Variants in CCDC88A observed in about 807,000 individuals in gnomAD.
CCDC88A encodes girdin.
In CCDC88A, 54 loss-of-function variants were observed where a neutral mutation model predicts 234.3. The ratio of observed to expected loss-of-function variants is 0.23; its 90% CI spans 0.19 to 0.29. The LOEUF (loss-of-function observed/expected upper bound fraction) is 0.29, where lower values mean the gene tolerates loss of function less well. Among genes scored for constraint, CCDC88A ranks in the 10% least tolerant of loss-of-function variants. The pLI is 1.00. For missense variants in CCDC88A, 1,832 were observed against 2,123.4 expected, an observed-to-expected ratio of 0.86 and a Z score of 2.70; for synonymous variants, 753 against 737.8, an observed-to-expected ratio of 1.02 and a Z score of -0.33.
At chr2:55,360,700 C>A (rs1251153091) in intron 7 of CCDC88A, among the ~76,000 whole-genome samples, 1 of 152,170 alleles carries the variant, frequency 6.6e-6, no homozygotes, top group Non-Finnish European at 1.5e-5. Flanking sequence ...CTGTTCACCC[C>A]ATATTAATCA....
chr2:55,375,469 C>A (rs2864833), intron 3 of CCDC88A, among the ~76,000 whole-genome samples: 1,627 of 26,140 alleles, frequency 0.062, 103 homozygotes, highest in East Asian at 0.094. Context: ...TGTCACTGTA[C>A]TATATATATA....
chr2:55,319,558 G>C (rs1172226499), intron 18 of CCDC88A, among the ~76,000 whole-genome samples: 4 of 151,988 alleles, frequency 2.6e-5, no homozygotes, highest in Admixed American at 6.6e-5. Context: ...ATCCACAACA[G>C]ACCTAACGCA....
In CCDC88A at chr2:55,353,260, T is replaced by C. The variant is rs183173761; in HGVS notation, c.800+2319A>G. ...ACCTTAAACGAATTCACAGCCATCA[T>C]TACGGTTCTAATTGCATGCTTTATC... is the stretch of plus-strand genomic sequence containing the variant. On this transcript the variant is annotated intron_variant, in intron 8 of 32. Transcript: ENST00000436346. 3.0e-3 allele frequency among the ~76,000 whole-genome samples: 451 copies of C among 152,320 alleles called. 2 individuals carry two copies. Among genetic ancestry groups the C allele is most frequent in the Non-Finnish European group, 4.6e-3 (314 of 68,026 alleles).
chr2:55,368,225 A>C (rs1374901364), intron 5 of CCDC88A, among the ~76,000 whole-genome samples: 1 of 152,150 alleles, frequency 6.6e-6, no homozygotes, highest in Non-Finnish European at 1.5e-5. Context: ...AAAATACCCA[A>C]GCCCTGGCCT....
At chr2:55,339,148 A>C in intron 13 of CCDC88A, 1 of 185,400 alleles carries the variant, frequency 5.4e-6, no homozygotes, top group Non-Finnish European at 1.1e-5. Context: ...TAGTGGAGAC[A>C]GGGTTTCACC....
At chr2:55,398,871 A>G (rs1204278230) in intron 2 of CCDC88A, among the ~76,000 whole-genome samples, 1 of 151,912 alleles carries the variant, frequency 6.6e-6, no homozygotes, top group African/African-American at 2.4e-5. Flanking sequence ...CCTAACAAAA[A>G]AAAAAAGAAA....
At chr2:55,370,925 T>A (rs1373091336) in intron 5 of CCDC88A, among the ~76,000 whole-genome samples, 1 of 151,260 alleles carries the variant, frequency 6.6e-6, no homozygotes, top group Non-Finnish European at 1.5e-5. Context: ...AATGGGAAGA[T>A]CATTTGAACC....
chr2:55,407,848 G>GC (rs1679857948), intron 2 of CCDC88A, among the ~76,000 whole-genome samples: 1 of 150,616 alleles, frequency 6.6e-6, no homozygotes, highest in Admixed American at 6.6e-5. Flanking sequence ...CTCCCGTGTA[G>GC]CTGGGATTAC....
chr2:55,311,088 A>G (rs1682295338), intron 23 of CCDC88A, among the ~76,000 whole-genome samples: 1 of 152,220 alleles, frequency 6.6e-6, no homozygotes, highest in South Asian at 2.1e-4. Context: ...AAGGGTCAGA[A>G]TAGTAAGACA....
intron 3 of CCDC88A, among the ~76,000 whole-genome samples, chr2:55,386,435 T>TTTTTATTTTA (rs70954112): frequency 1.3e-5 from 2 of 150,590 alleles, no homozygotes; most frequent in African/African-American, 2.5e-5. Context: ...CTCTGTCTCT[T>TTTTTATTTTA]TTTTATTTTA....
intron 2 of CCDC88A, among the ~76,000 whole-genome samples, chr2:55,410,475 A>T (rs1265183469): frequency 6.6e-6 from 1 of 152,236 alleles, no homozygotes; most frequent in African/African-American, 2.4e-5. Flanking sequence ...TATAAGCTTT[A>T]AATATTTAGG....
In CCDC88A at chr2:55,296,466, A is replaced by T; in HGVS notation, c.4883T>A (p.Leu1628Gln). ...GGACCAAGCCTCATGGTCATGAAGC[A>T]GGCTAAATTCTCCACTGCTGTGGCT... ...PQSHSSGEFSLLHDHEAWSSS... is the reference protein window; with the variant it reads ...PQSHSSGEFSQLHDHEAWSSS... Residue 1628 changes from leucine (L) to glutamine (Q), a missense_variant, in exon 30 of 33, where the codon CTG becomes CAG. Transcript: ENST00000436346. 6.2e-7 allele frequency: 1 copy of T among 1,614,232 alleles called. No homozygotes were observed. Among genetic ancestry groups the T allele is most frequent in the Non-Finnish European group, 8.5e-7 (1 of 1,180,036 alleles).
chr2:55,358,578 C>CA (rs1670889200), intron 7 of CCDC88A, among the ~76,000 whole-genome samples: 1 of 152,146 alleles, frequency 6.6e-6, no homozygotes, highest in Admixed American at 6.5e-5. Flanking sequence ...CCTCCAACTG[C>CA]AAACTGCTAT....
chr2:55,333,329 A>T (rs899055451), intron 15 of CCDC88A, among the ~76,000 whole-genome samples: 1 of 152,194 alleles, frequency 6.6e-6, no homozygotes, highest in Non-Finnish European at 1.5e-5. Context: ...AGCCAAACAT[A>T]TACCTTCTGA....
At chr2:55,339,854 C>CG in intron 12 of CCDC88A, 1 of 419,518 alleles carries the variant, frequency 2.4e-6, no homozygotes, top group African/African-American at 2.1e-5. Flanking sequence ...TTTAAAGAGA[C>CG]GGGGTCTCTC....
At chr2:55,377,422 T>A (rs1673848640) in intron 3 of CCDC88A, among the ~76,000 whole-genome samples, 1 of 151,738 alleles carries the variant, frequency 6.6e-6, no homozygotes, top group African/African-American at 2.4e-5. Context: ...CCTCCCAAAG[T>A]GGTGCGATTA....
rs552517382 is a variant in CCDC88A at position 55,362,690 on chromosome 2, T to A, written c.487-242A>T. ...CTAGTCAACAAAAATAAAATATTAA[T>A]ATTTAACTCAAGGCATTCTTAAAGG... On this transcript the variant is annotated intron_variant, in intron 6 of 32. Transcript: ENST00000436346. Among the ~76,000 whole-genome samples, 40 of 152,108 alleles carry A rather than the reference T, an allele frequency of 2.6e-4. No individual in the cohort carries two copies. The South Asian group carries it at 8.1e-3, about 31-fold the overall frequency.
intron 26 of CCDC88A, 41 bp downstream of exon 26, chr2:55,303,028 T>C (rs1681084370): frequency 8.4e-7 from 1 of 1,191,136 alleles, no homozygotes; most frequent in Non-Finnish European, 1.2e-6. Context: ...TGAAAGCCAG[T>C]GTAGTCAGTT....
At chr2:55,341,400 A>G (rs1318646386) in intron 12 of CCDC88A, among the ~76,000 whole-genome samples, 2 of 148,584 alleles carry the variant, frequency 1.3e-5, no homozygotes, top group Admixed American at 1.3e-4. Flanking sequence ...GGCCTCCCAG[A>G]GTGCTGGGAT....
Sources: allele counts gnomAD v4.1 joint callset (sites outside exome capture counted in the v4.1 genomes callset), GRCh38; gene constraint gnomAD v4.1.1; transcripts MANE v1.5; gene names NCBI Gene and HGNC (gene_info 2026-07-23, HGNC 2026-07-21).